The following UBE2E2 variants were observed in gnomAD, a reference collection of about 807,000 sequenced individuals.
UBE2E2 encodes the protein ubiquitin conjugating enzyme E2 E2.
In UBE2E2, 6 loss-of-function variants were observed where a neutral mutation model predicts 24.7. That is an observed-to-expected ratio of 0.24 (90% CI 0.13 to 0.48). UBE2E2 has a LOEUF of 0.48. Ranked by LOEUF, UBE2E2 falls within the 20% of genes least tolerant of loss-of-function variation. UBE2E2 has a pLI of 0.99. For missense variants in UBE2E2, 169 were observed against 245.0 expected (o/e 0.69, Z 2.07); for synonymous variants, 104 against 83.6 (o/e 1.24, Z -1.33).
intron 5 of UBE2E2, among the ~76,000 whole-genome samples, chr3:23,563,748 G>T (rs578034954): frequency 1.3e-5 from 2 of 152,212 alleles, no homozygotes; most frequent in Non-Finnish European, 2.9e-5. Context: ...GTAGCTATAA[G>T]TGAAATATTG....
intron 4 of UBE2E2, among the ~76,000 whole-genome samples, chr3:23,526,060 A>G (rs1279870372): frequency 2.0e-5 from 3 of 152,196 alleles, no homozygotes; most frequent in East Asian, 1.9e-4. Flanking sequence ...GGCTGCTTCA[A>G]GGGCTTTTAT....
chr3:23,481,403 T>G (rs963740873), intron 3 of UBE2E2, among the ~76,000 whole-genome samples: 1 of 152,234 alleles, frequency 6.6e-6, no homozygotes, highest in African/African-American at 2.4e-5. Context: ...CGTTTCTCAT[T>G]TGAACTAATT....
At chr3:23,411,608 T>C (rs1202485657) in intron 3 of UBE2E2, among the ~76,000 whole-genome samples, 2 of 152,210 alleles carry the variant, frequency 1.3e-5, no homozygotes, top group Non-Finnish European at 2.9e-5. Flanking sequence ...TTCTCAATAT[T>C]ACAACTTTAA....
At chr3:23,367,857 G>A (rs1279017673) in intron 3 of UBE2E2, among the ~76,000 whole-genome samples, 1 of 152,092 alleles carries the variant, frequency 6.6e-6, no homozygotes, top group African/African-American at 2.4e-5. Context: ...GAATTGAATT[G>A]GAGGACACCC....
intron 3 of UBE2E2, among the ~76,000 whole-genome samples, chr3:23,421,576 T>A (rs1697797656): frequency 1.3e-5 from 2 of 152,120 alleles, no homozygotes; most frequent in Admixed American, 1.3e-4. Context: ...CTAGCTAATT[T>A]TTTGTATTTT....
chr3:23,395,935 C>T (rs1411048006), intron 3 of UBE2E2, among the ~76,000 whole-genome samples: 1 of 152,070 alleles, frequency 6.6e-6, no homozygotes, highest in Non-Finnish European at 1.5e-5. Context: ...TCATGCAACT[C>T]AATTAAATTA....
In UBE2E2 at chr3:23,360,027, A is replaced by T. The variant is rs1696068248; in HGVS notation, c.228-139581A>T. 2.0e-5 allele frequency among the ~76,000 whole-genome samples: 3 copies of T among 152,162 alleles called. No individual in the cohort carries two copies. The South Asian group carries it at 6.2e-4, about 32-fold the overall frequency. On this transcript the variant is annotated intron_variant, in intron 3 of 5. Coordinates refer to ENST00000396703, the MANE Select transcript of UBE2E2 (RefSeq NM_152653.4). Reference sequence around the variant, plus strand: ...CCCCAGTGTTCAGGTTAGTGGTTTTACCTGCTGGTCTAATTAGTTTTCCTT... The same window carrying T: ...CCCCAGTGTTCAGGTTAGTGGTTTTTCCTGCTGGTCTAATTAGTTTTCCTT...
chr3:23,290,700 ATATATT>A (rs1698740098), intron 3 of UBE2E2, among the ~76,000 whole-genome samples: 1 of 151,920 alleles, frequency 6.6e-6, no homozygotes, highest in Non-Finnish European at 1.5e-5. Context: ...GTTATAGGTA[ATATATT>A]TATACTAACT....
chr3:23,385,268 T>C (rs1252084595), intron 3 of UBE2E2, among the ~76,000 whole-genome samples: 1 of 152,270 alleles, frequency 6.6e-6, no homozygotes, highest in Non-Finnish European at 1.5e-5. Flanking sequence ...GTGGTTTTGC[T>C]GTAAAGGAAT....
chr3:23,387,989 G>A (rs572013609), intron 3 of UBE2E2, among the ~76,000 whole-genome samples: 2 of 152,278 alleles, frequency 1.3e-5, no homozygotes, highest in African/African-American at 2.4e-5. Flanking sequence ...GAGAGGAATA[G>A]CCATTAAAGA....
At chr3:23,258,322 A>G (rs1031189898) in intron 3 of UBE2E2, among the ~76,000 whole-genome samples, 2 of 152,218 alleles carry the variant, frequency 1.3e-5, no homozygotes, top group Non-Finnish European at 2.9e-5. Context: ...AAGAGAAAGG[A>G]TGAGTCATGG....
chr3:23,299,622 A>T (rs1699013353), intron 3 of UBE2E2, among the ~76,000 whole-genome samples: 1 of 152,078 alleles, frequency 6.6e-6, no homozygotes, highest in African/African-American at 2.4e-5. Context: ...CCTGAGTTCT[A>T]GTTTGATTGC....
intron 3 of UBE2E2, among the ~76,000 whole-genome samples, chr3:23,310,028 A>G (rs763304876): frequency 1.3e-5 from 2 of 152,194 alleles, no homozygotes; most frequent in Non-Finnish European, 2.9e-5. Context: ...CATTCTTTTT[A>G]TGAGAAGGAA....
In UBE2E2 at chr3:23,255,202, G is replaced by A. The variant is rs544806433; in HGVS notation, c.227+37890G>A. Among the ~76,000 whole-genome samples, 2 of 144,934 alleles carry A rather than the reference G, an allele frequency of 1.4e-5. 1 individual carries two copies. The highest frequency in any genetic ancestry group is 4.4e-4 in the South Asian group (2 of 4,502). ...ATGCTCAAGCGACCCTCCCACATCA[G>A]CCTCCTAGGTAGATGGGACTACAGG... is the stretch of plus-strand genomic sequence containing the variant. On this transcript the variant is annotated intron_variant, in intron 3 of 5. Transcript: ENST00000396703.
rs114569488 is a variant in UBE2E2 at position 23,457,879 on chromosome 3, C to T, written c.228-41729C>T. ...AGAATTGAAGTTAGTTACAGCCTTG[C>T]GCTGGATTAGGTTTTGGCTTGAAGG... On this transcript the variant is annotated intron_variant, in intron 3 of 5. Transcript: ENST00000396703. Among the ~76,000 whole-genome samples, 276 of 152,314 alleles carry T rather than the reference C, an allele frequency of 1.8e-3. 1 individual carries two copies. Among genetic ancestry groups the T allele is most frequent in the African/African-American group, 6.3e-3 (262 of 41,566 alleles).
intron 4 of UBE2E2, among the ~76,000 whole-genome samples, chr3:23,510,753 T>G (rs1026136541): frequency 2.0e-5 from 3 of 152,188 alleles, no homozygotes; most frequent in African/African-American, 4.8e-5. Flanking sequence ...TGCCAAAAAT[T>G]CTTGTAGGTT....
At chr3:23,554,090 G>A (rs2075827852) in intron 5 of UBE2E2, among the ~76,000 whole-genome samples, 1 of 152,098 alleles carries the variant, frequency 6.6e-6, no homozygotes, top group Non-Finnish European at 1.5e-5. Flanking sequence ...GCAATCCTGA[G>A]GTGGGGTTGA....
intron 3 of UBE2E2, among the ~76,000 whole-genome samples, chr3:23,449,126 A>G (rs1355380684): frequency 1.3e-5 from 2 of 152,232 alleles, no homozygotes; most frequent in Non-Finnish European, 2.9e-5. Context: ...CTCTTATGGC[A>G]TTACAGAACG....
At chr3:23,584,720 T>A (rs1370725135) in intron 5 of UBE2E2, among the ~76,000 whole-genome samples, 2 of 114,090 alleles carry the variant, frequency 1.8e-5, no homozygotes, top group Non-Finnish European at 3.5e-5. Flanking sequence ...CACCCAGCTG[T>A]TTTTTGTTTT....
Sources: gnomAD v4.1 joint callset for allele counts (sites outside exome capture counted in the v4.1 genomes callset) on GRCh38, gnomAD v4.1.1 for gene constraint, MANE v1.5 for transcripts, NCBI Gene and HGNC (gene_info 2026-07-23, HGNC 2026-07-21) for gene names.